COL6A3: variants seen among roughly 807,000 people sequenced by gnomAD.
COL6A3 encodes collagen type VI alpha 3 chain, also known as collagen alpha-3(VI) chain.
Under a neutral mutation model 274.1 loss-of-function variants are expected in COL6A3, and 137 were observed. The ratio of observed to expected loss-of-function variants is 0.50; its 90% CI spans 0.44 to 0.58. The LOEUF (loss-of-function observed/expected upper bound fraction) is 0.58, where lower values mean the gene tolerates loss of function less well. COL6A3 is among the 20% of genes least tolerant of loss of function. The pLI, the probability that COL6A3 is intolerant of heterozygous loss-of-function variation, is 0.00. For synonymous variants in COL6A3, 1,650 were observed against 1,650.6 expected (o/e 1.00, Z 0.01); for missense variants, 3,950 against 4,124.9 (o/e 0.96, Z 1.16).
chr2:237,376,883 C>T lies in COL6A3; in HGVS notation c.2959G>A (p.Val987Met), dbSNP rs140437593. 34 of 1,614,086 alleles carry T rather than the reference C, an allele frequency of 2.1e-5. No individual in the cohort carries two copies. Among genetic ancestry groups the T allele is most frequent in the Middle Eastern group, 1.6e-4 (1 of 6,084 alleles). ...NADPAELEQI[V>M]LSPAFILAAE... ...GCCAGGATAAACGCTGGAGACAGCA[C>T]GATCTGCTCTAACTCAGCAGGGTCT... is the stretch of plus-strand genomic sequence containing the variant. The change falls in exon 7 of 44, where the codon GTG becomes ATG. Residue 987 changes from valine (V) to methionine (M), a missense_variant. Val to Met is a conservative substitution (Grantham distance 21). Coordinates refer to ENST00000295550, the MANE Select transcript of COL6A3 (RefSeq NM_004369.4).
At chr2:237,372,920 G>C (rs2106358613) in intron 8 of COL6A3, among the ~76,000 whole-genome samples, 1 of 152,304 alleles carries the variant, frequency 6.6e-6, no homozygotes, top group Middle Eastern at 3.4e-3. Context: ...GCAAGAAAGG[G>C]AACTGCAGAT....
chr2:237,361,661 A>T lies in COL6A3; in HGVS notation c.6156+78T>A. 7.9e-7 allele frequency: 1 copy of T among 1,271,088 alleles called. No homozygotes were observed. Among genetic ancestry groups the T allele is most frequent in the Non-Finnish European group, 1.2e-6 (1 of 867,132 alleles). The allele number at this position is 1,271,088 out of a possible 1,614,324, so 78.7% of individuals were successfully genotyped here. On this transcript the variant is annotated intron_variant, in intron 15 of 43. Transcript: ENST00000295550. This position sits in a 1 kb window ranked among gnomAD's most constrained non-coding sequence, Gnocchi z 5.1. ...TCCTTCATCTCCACACTCTTCTGTT[A>T]GAGAAATTACCCCACCAAAGTAATG... is the stretch of plus-strand genomic sequence containing the variant.
rs114498197 is a variant in COL6A3, at chr2:237,372,006, C to T, written c.4011G>A (p.Pro1337=). The T allele has an allele frequency of 3.8e-5, 61 of 1,614,100 alleles. No individual in the cohort carries two copies. In the African/African-American group the frequency reaches 5.3e-4, roughly 14 times the overall value. The stretch of plus-strand genomic sequence containing the variant: ...CAGACGAGATGAGGACCAGGAACTG[C>T]GGGACGCCCTCTTCAATGCGGCTCC... ...PLGSRIEEGV[P]QFLVLISSGK... is the part of the protein sequence containing the mutation. The change falls in exon 9 of 44, where the codon CCG becomes CCA. Residue 1337 remains proline, a synonymous_variant. Coordinates refer to ENST00000295550, the MANE Select transcript of COL6A3 (RefSeq NM_004369.4).
rs2077620932 is a variant in COL6A3 at position 237,368,963 on chromosome 2, C to T, written c.4500G>A (p.Leu1500=). 6.2e-7 allele frequency: 1 copy of T among 1,614,230 alleles called. No individual in the cohort carries two copies. Among genetic ancestry groups the T allele is most frequent in the Non-Finnish European group, 8.5e-7 (1 of 1,180,048 alleles). ...LKTYRSQAPV[L]DAIRRLRLRG... is the part of the protein sequence containing the mutation. ...TGAGCCTCAGGCGCCGTATGGCGTCCAGCACCGGGGCCTGGGATCTGTAGG... is the reference window on the plus strand; with the variant it reads ...TGAGCCTCAGGCGCCGTATGGCGTCTAGCACCGGGGCCTGGGATCTGTAGG... The change falls in exon 10 of 44, where the codon CTG becomes CTA. Residue 1500 remains leucine (L), a synonymous_variant. Coordinates refer to ENST00000295550, the MANE Select transcript of COL6A3 (RefSeq NM_004369.4). This position sits in a 1 kb window ranked among gnomAD's most constrained non-coding sequence, Gnocchi z 4.4.
Position 237,336,258 on chromosome 2 carries a change from T to C in COL6A3, c.8842A>G (p.Lys2948Glu), listed in dbSNP as rs1184308199. The change falls in exon 40 of 44, where the codon AAG (lysine) becomes GAG (glutamate). Residue 2948 changes from lysine to glutamate, a missense_variant. Lys to Glu is a moderately conservative substitution (Grantham distance 56). This residue lies in a region of COL6A3 where 1,284 missense variants were observed against 1,349.7 expected (regional missense o/e 0.95). Coordinates refer to ENST00000295550, the MANE Select transcript of COL6A3 (RefSeq NM_004369.4). Reference sequence around the variant, plus strand: ...GCGGGGGGTCTTACAGCTGCTGGCTTTGCTGCTACAGGCTTCGCTGCCGTT... The same window carrying C: ...GCGGGGGGTCTTACAGCTGCTGGCTCTGCTGCTACAGGCTTCGCTGCCGTT... Reference protein sequence around the residue: ...PATAAKPVAAKPAAVRPPAAA... With the variant: ...PATAAKPVAAEPAAVRPPAAA... The C allele has an allele frequency of 1.2e-6, 2 of 1,613,970 alleles. No individual in the cohort carries two copies. Among genetic ancestry groups the C allele is most frequent in the Admixed American group, 1.7e-5 (1 of 60,014 alleles).
chr2:237,340,419 G>C (rs759913146), intron 38 of COL6A3, 33 bp downstream of exon 38: 1 of 1,594,824 alleles, frequency 6.3e-7, no homozygotes, highest in Non-Finnish European at 8.6e-7. Context: ...ATAAAGCCAG[G>C]CCAGGGCACA....
chr2:237,384,555 A>C (rs959476282), intron 4 of COL6A3, among the ~76,000 whole-genome samples: 22 of 151,982 alleles, frequency 1.4e-4, no homozygotes, highest in African/African-American at 5.3e-4. Context: ...CCACACAACA[A>C]GGTACCTGCA....
intron 1 of COL6A3, among the ~76,000 whole-genome samples, chr2:237,404,251 T>C (rs1559290787): frequency 6.6e-6 from 1 of 152,142 alleles, no homozygotes; most frequent in Non-Finnish European, 1.5e-5. Flanking sequence ...CCTCCCACAG[T>C]TGAGTGCAAA....
In COL6A3 at chr2:237,394,678, A is replaced by G; in HGVS notation, c.618T>C (p.Leu206=). ...HMFNLENFTS[L]HDIVGNLVSC... is the part of the protein sequence containing the mutation. ...ACACTAAGTTTCCTACTATGTCATG[A>G]AGTGAGGTAAAATTCTCTAGGTTGA... The change falls in exon 3 of 44, where the codon CTT becomes CTC. Residue 206 remains leucine, a synonymous_variant. Transcript: ENST00000295550. 4 of 1,614,230 alleles carry G rather than the reference A, an allele frequency of 2.5e-6. No individual in the cohort carries two copies. Among genetic ancestry groups the G allele is most frequent in the Non-Finnish European group, 3.4e-6 (4 of 1,180,036 alleles).
intron 38 of COL6A3, 122 bp downstream of exon 38, chr2:237,340,330 G>A: frequency 1.1e-6 from 1 of 940,870 alleles, no homozygotes; most frequent in Non-Finnish European, 1.6e-6. Context: ...ATATATGTCT[G>A]TTCAATGAAT....
chr2:237,356,540 C>T (rs947588244), intron 23 of COL6A3, among the ~76,000 whole-genome samples: 15 of 152,176 alleles, frequency 9.9e-5, no homozygotes, highest in South Asian at 2.1e-4. Flanking sequence ...CCGGGCCGAA[C>T]GAGCCACTGC....
chr2:237,371,546 T>C lies in COL6A3; in HGVS notation c.4285+186A>G. 2.3e-6 allele frequency: 3 copies of C among 1,324,620 alleles called. No homozygotes were observed. Among genetic ancestry groups the C allele is most frequent in the Non-Finnish European group, 3.0e-6 (3 of 1,008,466 alleles). The allele number at this position is 1,324,620 out of a possible 1,614,324, so 82.1% of individuals were successfully genotyped here. A position where few individuals can be genotyped will look rare whatever the true frequency, so the allele number is the denominator to read the frequency against. ...CCAGAAGGCAGAGGTTAAAATGAGT[T>C]ATGATCATGCCACTGCACTCCAGCC... On this transcript the variant is annotated intron_variant, in intron 9 of 43. Coordinates refer to ENST00000295550, the MANE Select transcript of COL6A3 (RefSeq NM_004369.4). The surrounding 1 kb of genome is among the most constrained non-coding windows in gnomAD (Gnocchi z 4.3).
At chr2:237,376,063 T>C (rs145837620) in intron 7 of COL6A3, among the ~76,000 whole-genome samples, 31 of 152,282 alleles carry the variant, frequency 2.0e-4, no homozygotes, top group African/African-American at 5.5e-4. Flanking sequence ...GAGGTTTCAA[T>C]TGAGTTGCTG....
In COL6A3 at chr2:237,387,814, G is replaced by A. The variant is rs762463347; in HGVS notation, c.1080C>T (p.Asp360=). ...LVLISAGPSS[D]EIRYGVVALK... is the part of the protein sequence containing the mutation. ...GTGCTACCACCCCGTAGCGAATCTC[G>A]TCACTAGAAGGCCCGGCACTTATGA... is the stretch of plus-strand genomic sequence containing the variant. The change falls in exon 4 of 44, where the codon GAC becomes GAT. Residue 360 remains aspartate (D), a synonymous_variant. Transcript: ENST00000295550. 2.9e-5 allele frequency: 47 copies of A among 1,614,030 alleles called. No individual in the cohort carries two copies. The highest frequency in any genetic ancestry group is 5.3e-5 in the African/African-American group (4 of 74,930).
chr2:237,384,388 C>A (rs1352902731), intron 4 of COL6A3, among the ~76,000 whole-genome samples: 1 of 152,118 alleles, frequency 6.6e-6, no homozygotes, highest in Non-Finnish European at 1.5e-5. Context: ...CTACTCCTCA[C>A]CAACATGGCA....
At position 237,394,912 on chromosome 2, in the gene COL6A3, G is replaced by A. The variant is rs886214092; in HGVS notation, c.384C>T (p.Ser128=). 1.9e-6 allele frequency: 3 copies of A among 1,612,454 alleles called. No individual in the cohort carries two copies. Among genetic ancestry groups the A allele is most frequent in the African/African-American group, 2.7e-5 (2 of 74,862 alleles). The change falls in exon 3 of 44, where the codon AGC becomes AGT. Residue 128 remains serine, a synonymous_variant. Transcript: ENST00000295550. ...TGKGLEYIMQ[S]HLTKAAGSRA... ...GGCTTCCAGCAGCCTTGGTGAGGTG[G>A]CTTTGCATTATGTATTCTAATCCTT...
rs1251455817 is a variant in COL6A3, at chr2:237,407,216, A to C, written c.-31+6737T>G. Among the ~76,000 whole-genome samples, 1 of 152,160 alleles carries C rather than the reference A, an allele frequency of 6.6e-6. No homozygotes were observed. The highest frequency in any genetic ancestry group is 6.5e-5 in the Admixed American group (1 of 15,270). On this transcript the variant is annotated intron_variant, in intron 1 of 43. Coordinates refer to ENST00000295550, the MANE Select transcript of COL6A3 (RefSeq NM_004369.4). This position sits in a 1 kb window ranked among gnomAD's most constrained non-coding sequence, Gnocchi z 4.3. ...CATGAGCCACTACACCTGGCCTTTGAATTTCTATTCTATGAAAATACTCTA... is the reference window on the plus strand; with the variant it reads ...CATGAGCCACTACACCTGGCCTTTGCATTTCTATTCTATGAAAATACTCTA...
In COL6A3 at chr2:237,377,362, T is replaced by A; in HGVS notation, c.2498-18A>T. ...CTTGCTCTCTGCAATGAAGGTAGAT[T>A]AGGATACAATGAGGGACGAGAGCAT... On this transcript the variant is annotated intron_variant, in intron 6 of 43. Coordinates refer to ENST00000295550, the MANE Select transcript of COL6A3 (RefSeq NM_004369.4). The A allele has an allele frequency of 1.9e-6, 3 of 1,598,794 alleles. No homozygotes were observed. Among genetic ancestry groups the A allele is most frequent in the Non-Finnish European group, 2.5e-6 (3 of 1,179,204 alleles).
At chr2:237,375,909 A>G (rs1418916963) in intron 7 of COL6A3, among the ~76,000 whole-genome samples, 1 of 152,240 alleles carries the variant, frequency 6.6e-6, no homozygotes, top group African/African-American at 2.4e-5. Flanking sequence ...TAATACACCA[A>G]TATAGGGACC....
Sources: gnomAD v4.1 joint callset for allele counts (sites outside exome capture counted in the v4.1 genomes callset) on GRCh38, gnomAD v4.1.1 for gene constraint, gnomAD v4.1.1 regional missense constraint, Gnocchi (gnomAD v3.1) non-coding constraint, MANE v1.5 for transcripts, NCBI Gene and HGNC (gene_info 2026-07-23, HGNC 2026-07-21) for gene names.